The following LYAR variants were observed in gnomAD, a reference collection of about 807,000 sequenced individuals.
The protein encoded by LYAR is Ly1 antibody reactive.
Under a neutral mutation model 45.2 loss-of-function variants are expected in LYAR, and 37 were observed. The observed-to-expected ratio is 0.82, with a 90% CI of 0.63 to 1.08. The LOEUF is 1.08. Among genes scored for constraint, LYAR ranks in the 50% least tolerant of loss-of-function variants. The probability of loss-of-function intolerance (pLI) is 0.00; values close to 1 mark genes in which losing one functional copy is unlikely to be tolerated. For synonymous variants in LYAR, 176 were observed against 155.1 expected (o/e 1.14, Z -1.00); for missense variants, 493 against 451.0 (o/e 1.09, Z -0.84).
At position 4,281,810 on chromosome 4, in the gene LYAR, G is replaced by A. The variant is rs73091404; in HGVS notation, c.210C>T (p.Gly70=). 1.8e-3 allele frequency: 2,938 copies of A among 1,613,958 alleles called. 46 individuals are homozygous for A. The African/African-American group carries it at 0.033, about 18-fold the overall frequency. The part of the protein sequence containing the change: ...GKGYEGKTHK[G]DIKQQAWIQK... ...GAATCCACGCCTGCTGTTTGATGTC[G>A]CCTTTGTGGGTTTTACCTTCATAGC... is the stretch of plus-strand genomic sequence containing the variant. Residue 70 remains glycine (G), a synonymous_variant, in exon 4 of 10, where the codon GGC becomes GGT. Transcript: ENST00000343470.
rs138454561 is a variant in LYAR, at chr4:4,274,532, G to A, written c.667C>T (p.Arg223Cys). The A allele has an allele frequency of 5.8e-5, 93 of 1,614,026 alleles. No homozygotes were observed. In the African/African-American group the frequency reaches 1.0e-3, roughly 17 times the overall value. The change falls in exon 7 of 10, where the codon CGC (arginine) becomes TGC (cysteine). Residue 223 changes from arginine to cysteine, a missense_variant. Coordinates refer to ENST00000343470, the MANE Select transcript of LYAR (RefSeq NM_017816.3). Reference sequence around the variant, plus strand: ...AGGTCAGCCTCCTGTCCCTTTTTGCGCTTCTTAGGCTTCTGATTCCTTGAG... The same window carrying A: ...AGGTCAGCCTCCTGTCCCTTTTTGCACTTCTTAGGCTTCTGATTCCTTGAG... ...ENSRNQKPKKRKKGQEADLEA... is the reference protein window; with the variant it reads ...ENSRNQKPKKCKKGQEADLEA...
chr4:4,282,577 G>A (rs986988875), intron 3 of LYAR, among the ~76,000 whole-genome samples: 2 of 152,228 alleles, frequency 1.3e-5, no homozygotes, highest in Non-Finnish European at 2.9e-5. Context: ...GTATTAGCCA[G>A]TACCATCCGA....
rs780334651 is a variant in LYAR, at chr4:4,274,442, T to G, written c.757A>C (p.Lys253Gln). The G allele has an allele frequency of 1.3e-5, 21 of 1,613,714 alleles. No individual in the cohort carries two copies. The African/African-American group carries it at 2.1e-4, about 16-fold the overall frequency. ...TCACTGGCGCTGTCCTTGCGCTGCTTCTTCTTCTTGCTCCTCTTCCCTGCA... is the reference window on the plus strand; with the variant it reads ...TCACTGGCGCTGTCCTTGCGCTGCTGCTTCTTCTTGCTCCTCTTCCCTGCA... ...GSAGKRSKKKKQRKDSASEEE... is the reference protein window; with the variant it reads ...GSAGKRSKKKQQRKDSASEEE... The change falls in exon 7 of 10, where the codon AAG becomes CAG. Residue 253 changes from lysine to glutamine, a missense_variant. Coordinates refer to ENST00000343470, the MANE Select transcript of LYAR (RefSeq NM_017816.3).
At chr4:4,279,171 A>G (rs1719299538) in intron 6 of LYAR, among the ~76,000 whole-genome samples, 1 of 151,872 alleles carries the variant, frequency 6.6e-6, no homozygotes, top group South Asian at 2.1e-4. Context: ...CTAAAAAAAA[A>G]AAATACAAAA....
At chr4:4,278,719 T>C (rs537200525) in intron 6 of LYAR, among the ~76,000 whole-genome samples, 1 of 152,350 alleles carries the variant, frequency 6.6e-6, no homozygotes, top group East Asian at 1.9e-4. Flanking sequence ...AATAAATGAA[T>C]GAATATTACT....
chr4:4,270,699 G>A (rs532411135), intron 8 of LYAR, among the ~76,000 whole-genome samples: 1 of 152,266 alleles, frequency 6.6e-6, no homozygotes, highest in East Asian at 1.9e-4. Flanking sequence ...TTAGTCATTA[G>A]GGCCACACAA....
rs757496286 is a variant in LYAR, at chr4:4,274,424, C to T, written c.775G>A (p.Ala259Thr). The change falls in exon 7 of 10, where the codon GCC becomes ACC. Residue 259 changes from alanine to threonine, a missense_variant. Physicochemically the swap from Ala to Thr is moderately conservative, Grantham distance 58. Transcript: ENST00000343470. Reference protein sequence around the residue: ...SKKKKQRKDSASEEEARVGAG... With the variant: ...SKKKKQRKDSTSEEEARVGAG... ...CCCACGCGTGCCTCTTCCTCACTGGCGCTGTCCTTGCGCTGCTTCTTCTTC... is the reference window on the plus strand; with the variant it reads ...CCCACGCGTGCCTCTTCCTCACTGGTGCTGTCCTTGCGCTGCTTCTTCTTC... 1.5e-5 allele frequency: 24 copies of T among 1,613,992 alleles called. 1 individual carries two copies. Among genetic ancestry groups the T allele is most frequent in the South Asian group, 6.6e-5 (6 of 91,078 alleles).
At chr4:4,274,103 GAC>G (rs2108840471) in intron 7 of LYAR, among the ~76,000 whole-genome samples, 1 of 152,270 alleles carries the variant, frequency 6.6e-6, no homozygotes, top group Non-Finnish European at 1.5e-5. Context: ...TGGGTCTGGT[GAC>G]ACACGTCTGT....
intron 3 of LYAR, 106 bp from the exon 4 acceptor site, chr4:4,282,003 A>G (rs1719413751): frequency 2.8e-6 from 2 of 702,450 alleles, no homozygotes; most frequent in South Asian, 1.7e-5. Context: ...ATATTTTCAC[A>G]TGTGTCTATC....
Position 4,273,656 on chromosome 4 carries a change from A to G in LYAR, c.846T>C (p.Ser282=). ...KRRHSEVETD[S]KKKKMKLPEH... is the part of the protein sequence containing the mutation. ...CTGGGAGCTTCATCTTTTTCTTCTTAGAATCTGTTTCAACTAAGTATTTGG... is the reference window on the plus strand; with the variant it reads ...CTGGGAGCTTCATCTTTTTCTTCTTGGAATCTGTTTCAACTAAGTATTTGG... Residue 282 remains serine (S), a synonymous_variant, in exon 8 of 10, where the codon TCT becomes TCC. Transcript: ENST00000343470. The G allele has an allele frequency of 6.2e-7, 1 of 1,610,374 alleles. No individual in the cohort carries two copies. Among genetic ancestry groups the G allele is most frequent in the East Asian group, 2.2e-5 (1 of 44,850 alleles).
chr4:4,274,241 AAAAC>A (rs1560092451), intron 7 of LYAR, 122 bp downstream of exon 7: 1 of 1,153,754 alleles, frequency 8.7e-7, no homozygotes, highest in Non-Finnish European at 1.2e-6. Flanking sequence ...CGTCTCAAAA[AAAAC>A]AAAAAAAAAA....
In LYAR at chr4:4,279,142, T is replaced by C. The variant is rs370909263; in HGVS notation, c.429+305A>G. Among the ~76,000 whole-genome samples, 682 of 149,816 alleles carry C rather than the reference T, an allele frequency of 4.6e-3. 3 individuals carry two copies. Among genetic ancestry groups the C allele is most frequent in the South Asian group, 0.031 (147 of 4,730 alleles). On this transcript the variant is annotated intron_variant, in intron 6 of 9. Transcript: ENST00000343470. ...GAATTCGAGACCAGCCTGCTTAACATGGTGAAACTCTGTCTCTGCTAAAAA... is the reference window on the plus strand; with the variant it reads ...GAATTCGAGACCAGCCTGCTTAACACGGTGAAACTCTGTCTCTGCTAAAAA...
chr4:4,269,620 T>G (rs930108383), intron 8 of LYAR, among the ~76,000 whole-genome samples: 6 of 151,940 alleles, frequency 3.9e-5, no homozygotes, highest in Non-Finnish European at 8.8e-5. Flanking sequence ...GAGCCTGGAC[T>G]TCCGCCCCCA....
Position 4,267,810 on chromosome 4 carries a change from G to C in LYAR, c.*79C>G. 8.2e-7 allele frequency: 1 copy of C among 1,216,854 alleles called. No individual in the cohort carries two copies. The highest frequency in any genetic ancestry group is 1.1e-6 in the Non-Finnish European group (1 of 921,320). 75.4% of individuals were successfully genotyped at this position (1,216,854 alleles called of 1,614,324 possible). ...TCAAAAAGCAAAATTTGAGTTGTTA[G>C]AATTCATTACACATTTTATAAACAG... On this transcript the variant is annotated 3_prime_UTR_variant, in exon 10 of 10. Transcript: ENST00000343470.
chr4:4,286,377 T>A (rs1719611116), intron 2 of LYAR, 142 bp downstream of exon 2: 1 of 152,184 alleles, frequency 6.6e-6, no homozygotes, highest in Non-Finnish European at 1.5e-5. Flanking sequence ...GCAGACAGGG[T>A]GTCCCAGGTC....
intron 1 of LYAR, among the ~76,000 whole-genome samples, chr4:4,286,991 T>C (rs1056515394): frequency 1.3e-5 from 2 of 152,204 alleles, no homozygotes; most frequent in African/African-American, 4.8e-5. Flanking sequence ...GTTTGGATCA[T>C]TTATGCTTCT....
chr4:4,286,118 C>A (rs1719601730), intron 2 of LYAR, among the ~76,000 whole-genome samples: 1 of 152,198 alleles, frequency 6.6e-6, no homozygotes, highest in South Asian at 2.1e-4. Flanking sequence ...CTGCCTTCCT[C>A]CGGATTTTTA....
intron 8 of LYAR, among the ~76,000 whole-genome samples, chr4:4,271,387 GCAC>G (rs1334001611): frequency 1.3e-5 from 2 of 152,172 alleles, no homozygotes; most frequent in Non-Finnish European, 2.9e-5. Flanking sequence ...CTGTGTACAT[GCAC>G]CACATTTTCT....
chr4:4,269,605 G>C (rs1718855774), intron 8 of LYAR, among the ~76,000 whole-genome samples: 1 of 152,134 alleles, frequency 6.6e-6, no homozygotes, highest in African/African-American at 2.4e-5. Context: ...TGGAGGCTGA[G>C]TAGAGAGCCT....
Sources: gnomAD v4.1 joint callset for allele counts (sites outside exome capture counted in the v4.1 genomes callset) on GRCh38, gnomAD v4.1.1 for gene constraint, MANE v1.5 for transcripts, NCBI Gene and HGNC (gene_info 2026-07-23, HGNC 2026-07-21) for gene names.